Variants in ARHGAP15 observed in about 807,000 individuals in gnomAD.
ARHGAP15 encodes Rho GTPase activating protein 15, also known as rho GTPase-activating protein 15.
A neutral mutation model predicts 63.7 loss-of-function variants in ARHGAP15; 51 were observed. The observed-to-expected ratio is 0.80, with a 90% CI of 0.64 to 1.01. ARHGAP15 has a LOEUF of 1.01. ARHGAP15 is among the 50% of genes least tolerant of loss of function. ARHGAP15 has a pLI of 0.00. For synonymous variants in ARHGAP15, 191 were observed against 193.8 expected, an observed-to-expected ratio of 0.99 and a Z score of 0.12; for missense variants, 560 against 564.6, an observed-to-expected ratio of 0.99 and a Z score of 0.08.
At chr2:143,478,968 AT>A (rs1342874916) in intron 8 of ARHGAP15, among the ~76,000 whole-genome samples, 1 of 152,228 alleles carries the variant, frequency 6.6e-6, no homozygotes, top group Non-Finnish European at 1.5e-5. Context: ...CAGTCCAGGA[AT>A]TTAGAGATTT....
At chr2:143,231,028 G>A (rs187677402) in intron 5 of ARHGAP15, among the ~76,000 whole-genome samples, 2 of 147,594 alleles carry the variant, frequency 1.4e-5, no homozygotes, top group East Asian at 4.0e-4. Context: ...AACAAAACCA[G>A]CCAGAGCAGT....
intron 6 of ARHGAP15, among the ~76,000 whole-genome samples, chr2:143,273,444 G>A (rs1053948154): frequency 6.6e-6 from 1 of 151,476 alleles, no homozygotes; most frequent in African/African-American, 2.4e-5. Context: ...ATACCCCAAT[G>A]AACCTATTGT....
At chr2:143,130,430 A>G (rs1226082529) in intron 1 of ARHGAP15, among the ~76,000 whole-genome samples, 1 of 152,134 alleles carries the variant, frequency 6.6e-6, no homozygotes, top group Admixed American at 6.5e-5. Flanking sequence ...GATATGATCC[A>G]TTCTTCCCTA....
At chr2:143,731,575 G>T (rs1172115356) in intron 13 of ARHGAP15, among the ~76,000 whole-genome samples, 2 of 152,160 alleles carry the variant, frequency 1.3e-5, no homozygotes, top group African/African-American at 2.4e-5. Context: ...CAGAGGACCT[G>T]GCTCAATATC....
intron 6 of ARHGAP15, among the ~76,000 whole-genome samples, chr2:143,417,268 G>T (rs1688731758): frequency 6.6e-6 from 1 of 151,962 alleles, no homozygotes; most frequent in Admixed American, 6.6e-5. Context: ...ATTTATCTGT[G>T]CCTGATGATC....
chr2:143,387,385 T>G (rs1193993932), intron 6 of ARHGAP15, among the ~76,000 whole-genome samples: 1 of 152,168 alleles, frequency 6.6e-6, no homozygotes, highest in Non-Finnish European at 1.5e-5. Context: ...TCCTTCACAT[T>G]TGTCATTATA....
intron 9 of ARHGAP15, among the ~76,000 whole-genome samples, chr2:143,505,238 A>G (rs1693256503): frequency 6.6e-6 from 1 of 152,206 alleles, no homozygotes; most frequent in Non-Finnish European, 1.5e-5. Context: ...GGCAGATCCA[A>G]CTGAGATACT....
intron 2 of ARHGAP15, among the ~76,000 whole-genome samples, chr2:143,157,911 A>T (rs1281906752): frequency 6.6e-6 from 1 of 151,890 alleles, no homozygotes; most frequent in African/African-American, 2.4e-5. Context: ...GGGTACTAAA[A>T]ATGTGGGCAC....
intron 12 of ARHGAP15, among the ~76,000 whole-genome samples, chr2:143,647,682 T>G (rs1680954347): frequency 6.6e-6 from 1 of 152,018 alleles, no homozygotes; most frequent in Non-Finnish European, 1.5e-5. Context: ...AATTCTGTAC[T>G]TATTCTGTCC....
At chr2:143,750,025 C>G (rs889467785) in intron 13 of ARHGAP15, among the ~76,000 whole-genome samples, 2 of 152,210 alleles carry the variant, frequency 1.3e-5, no homozygotes, top group Non-Finnish European at 2.9e-5. Flanking sequence ...ATCAGAATCT[C>G]TGTGCAATTC....
intron 1 of ARHGAP15, among the ~76,000 whole-genome samples, chr2:143,138,537 A>G (rs1689236616): frequency 1.3e-5 from 2 of 152,164 alleles, no homozygotes; most frequent in South Asian, 4.1e-4. Flanking sequence ...CTCTGCAAAT[A>G]TTGCCTATGC....
chr2:143,504,740 C>T, intron 9 of ARHGAP15, among the ~76,000 whole-genome samples: 1 of 152,052 alleles, frequency 6.6e-6, no homozygotes, highest in Non-Finnish European at 1.5e-5. Flanking sequence ...TCTTTTATAC[C>T]CTTACTACCC....
intron 9 of ARHGAP15, among the ~76,000 whole-genome samples, chr2:143,506,103 A>C (rs1467850321): frequency 6.6e-6 from 1 of 152,200 alleles, no homozygotes; most frequent in Non-Finnish European, 1.5e-5. Flanking sequence ...AAGTCGTACC[A>C]CCTGGGATTC....
chr2:143,202,947 A>G (rs1692180164), intron 3 of ARHGAP15, among the ~76,000 whole-genome samples: 1 of 152,130 alleles, frequency 6.6e-6, no homozygotes, highest in Admixed American at 6.6e-5. Flanking sequence ...ACGTAAGACC[A>G]ACCTTTCTGA....
Position 143,145,891 on chromosome 2 carries a change from A to G in ARHGAP15, c.-14-9586A>G, listed in dbSNP as rs558060603. 4.0e-5 allele frequency among the ~76,000 whole-genome samples: 6 copies of G among 150,370 alleles called. 1 individual carries two copies. In the East Asian group the frequency reaches 1.2e-3, roughly 29 times the overall value. Reference sequence around the variant, plus strand: ...GTGTGTGTGTGTGTATAATATATATATAATATATATGTAACTTTATTTCCA... The same window carrying G: ...GTGTGTGTGTGTGTATAATATATATGTAATATATATGTAACTTTATTTCCA... On this transcript the variant is annotated intron_variant, in intron 1 of 13. Coordinates refer to ENST00000295095, the MANE Select transcript of ARHGAP15 (RefSeq NM_018460.4).
At chr2:143,394,880 G>A (rs1026348461) in intron 6 of ARHGAP15, among the ~76,000 whole-genome samples, 2 of 151,928 alleles carry the variant, frequency 1.3e-5, no homozygotes, top group South Asian at 2.1e-4. Context: ...CTTATGAGGA[G>A]GAGAAAAAAG....
intron 6 of ARHGAP15, among the ~76,000 whole-genome samples, chr2:143,273,961 A>G (rs1681422599): frequency 6.6e-6 from 1 of 152,186 alleles, no homozygotes; most frequent in Non-Finnish European, 1.5e-5. Context: ...CTTCTGTTAT[A>G]TTATGACTGG....
intron 13 of ARHGAP15, among the ~76,000 whole-genome samples, chr2:143,717,866 T>C (rs1430122168): frequency 6.6e-6 from 1 of 151,894 alleles, no homozygotes; most frequent in Non-Finnish European, 1.5e-5. Context: ...TTTTTTTTTT[T>C]TACCTGTTAA....
chr2:143,612,432 G>A (rs1387643357), intron 11 of ARHGAP15, among the ~76,000 whole-genome samples: 1 of 152,196 alleles, frequency 6.6e-6, no homozygotes, highest in African/African-American at 2.4e-5. Flanking sequence ...AATGTCCTGT[G>A]TGTGATGCTG....
Sources: gnomAD v4.1 joint callset for allele counts (sites outside exome capture counted in the v4.1 genomes callset) on GRCh38, gnomAD v4.1.1 for gene constraint, MANE v1.5 for transcripts, NCBI Gene and HGNC (gene_info 2026-07-23, HGNC 2026-07-21) for gene names.